RNPEPL1: variants seen among roughly 807,000 people sequenced by gnomAD.
RNPEPL1 encodes the protein aminopeptidase RNPEPL1.
A neutral mutation model predicts 69.0 loss-of-function variants in RNPEPL1; 46 were observed. That is an observed-to-expected ratio of 0.67 (90% CI 0.53 to 0.85). The LOEUF (loss-of-function observed/expected upper bound fraction) is 0.85, where lower values mean the gene tolerates loss of function less well. Among genes scored for constraint, RNPEPL1 ranks in the 40% least tolerant of loss-of-function variants. The pLI, the probability that RNPEPL1 is intolerant of heterozygous loss-of-function variation, is 0.00. For synonymous variants in RNPEPL1, 525 were observed against 454.1 expected, an observed-to-expected ratio of 1.16 and a Z score of -1.98; for missense variants, 869 against 992.5, an observed-to-expected ratio of 0.88 and a Z score of 1.67.
chr2:240,573,368 G>A, intron 3 of RNPEPL1, 107 bp downstream of exon 3: 2 of 1,311,646 alleles, frequency 1.5e-6, no homozygotes, highest in Non-Finnish European at 2.0e-6. Context: ...ACCCCCACTG[G>A]CCTCTGGGTG....
rs372976519 is a variant in RNPEPL1, at chr2:240,576,833, C to G, written c.1742-15C>G. On this transcript the variant is annotated splice_polypyrimidine_tract_variant and intron_variant, in intron 9 of 10. Coordinates refer to ENST00000270357, the MANE Select transcript of RNPEPL1 (RefSeq NM_018226.6). ...GCAACAGCGGCCCAGCCCTGACCTG[C>G]CCCCTGCGCTGCAGAGGTGGTGATG... is the stretch of plus-strand genomic sequence containing the variant. 7 of 1,612,790 alleles carry G rather than the reference C, an allele frequency of 4.3e-6. No homozygotes were observed. In the Admixed American group the frequency reaches 6.7e-5, roughly 15 times the overall value.
At chr2:240,569,872 G>A (rs540191681) in intron 1 of RNPEPL1, among the ~76,000 whole-genome samples, 13 of 152,202 alleles carry the variant, frequency 8.5e-5, no homozygotes, top group African/African-American at 1.4e-4. Flanking sequence ...CACTGGTCAC[G>A]GCACATAAAT....
rs913562807 is a variant in RNPEPL1 at position 240,576,870 on chromosome 2, G to A, written c.1764G>A (p.Lys588=). The A allele has an allele frequency of 8.1e-6, 13 of 1,613,106 alleles. No homozygotes were observed. The highest frequency in any genetic ancestry group is 1.3e-5 in the African/African-American group (1 of 74,938). Residue 588 remains lysine (K), a synonymous_variant, in exon 10 of 11, where the codon AAG becomes AAA. Coordinates refer to ENST00000270357, the MANE Select transcript of RNPEPL1 (RefSeq NM_018226.6). ...CAGAGGTGGTGATGAGCCTGTCCAA[G>A]TGCTACTCCTCCCTGCTGGACTCGA... ...LPQEVVMSLS[K]CYSSLLDSMN... is the part of the protein sequence containing the mutation.
intron 1 of RNPEPL1, among the ~76,000 whole-genome samples, chr2:240,571,524 G>T (rs1193839733): frequency 6.6e-6 from 1 of 152,078 alleles, no homozygotes; most frequent in Non-Finnish European, 1.5e-5. Flanking sequence ...CCCAGACTCT[G>T]AGCTGCCCTC....
At chr2:240,569,164 C>T (rs887198210) in intron 1 of RNPEPL1, 50 bp downstream of exon 1, 16 of 1,375,018 alleles carry the variant, frequency 1.2e-5, no homozygotes, top group Non-Finnish European at 1.5e-5. Flanking sequence ...CAGGGCGCTG[C>T]TAGCGGCCTC....
rs1490709790 is a variant in RNPEPL1, at chr2:240,579,086, T to C, written c.*1194T>C. 1 of 152,278 alleles carries C rather than the reference T, an allele frequency of 6.6e-6. No individual in the cohort carries two copies. Among genetic ancestry groups the C allele is most frequent in the South Asian group, 2.1e-4 (1 of 4,838 alleles). The allele number at this position is 152,278 out of a possible 1,614,324, so 9.4% of individuals were successfully genotyped here. A position where few individuals can be genotyped will look rare whatever the true frequency, so the allele number is the denominator to read the frequency against. ...CTGAGATTTCCATTTTCCCAGGCGA[T>C]AGGTGTCGCTGCCCTTCACAGTCCC... is the stretch of plus-strand genomic sequence containing the variant. On this transcript the variant is annotated 3_prime_UTR_variant, in exon 11 of 11. Coordinates refer to ENST00000270357, the MANE Select transcript of RNPEPL1 (RefSeq NM_018226.6).
chr2:240,570,869 G>A (rs754552854), intron 1 of RNPEPL1, among the ~76,000 whole-genome samples: 1 of 152,196 alleles, frequency 6.6e-6, no homozygotes, highest in African/African-American at 2.4e-5. Context: ...AGGGCAAGTG[G>A]GGAGCTGTGG....
chr2:240,577,741 G>A lies in RNPEPL1; in HGVS notation c.2027G>A (p.Gly676Asp), dbSNP rs933432007. Residue 676 changes from glycine to aspartate, a missense_variant, in exon 11 of 11, where the codon GGC becomes GAC. By Grantham distance (94) the Gly-to-Asp change is moderately conservative. This residue lies in a region of RNPEPL1 where 610 missense variants were observed against 790.9 expected (regional missense o/e 0.77). Transcript: ENST00000270357. ...GCCATCCAGCAGATCCTGTCCCAGG[G>A]CCTGGGCTCCAGCACAGAGCCCGCC... The part of the protein sequence containing the change: ...RRAIQQILSQ[G>D]LGSSTEPASE... 6.2e-7 allele frequency: 1 copy of A among 1,612,350 alleles called. No individual in the cohort carries two copies. Among genetic ancestry groups the A allele is most frequent in the African/African-American group, 1.3e-5 (1 of 74,928 alleles).
In RNPEPL1 at chr2:240,576,647, C is replaced by T. The variant is rs543369403; in HGVS notation, c.1623C>T (p.Thr541=). Residue 541 remains threonine, a synonymous_variant, in exon 9 of 11, where the codon ACC becomes ACT. Coordinates refer to ENST00000270357, the MANE Select transcript of RNPEPL1 (RefSeq NM_018226.6). ...RPVEALFQLW[T]AEPLDQAAAS... is the part of the protein sequence containing the mutation. ...TGGAGGCCCTTTTCCAGCTGTGGAC[C>T]GCAGAACCTCTGGACCAGGCAGCTG... 1.1e-5 allele frequency: 18 copies of T among 1,613,050 alleles called. No homozygotes were observed. The highest frequency in any genetic ancestry group is 4.5e-5 in the East Asian group (2 of 44,874).
rs959141475 is a variant in RNPEPL1 at position 240,577,582 on chromosome 2, G to A, written c.1885-17G>A. 10 of 1,542,480 alleles carry A rather than the reference G, an allele frequency of 6.5e-6. No homozygotes were observed. Among genetic ancestry groups the A allele is most frequent in the Non-Finnish European group, 7.9e-6 (9 of 1,135,824 alleles). ...GCCTGGGGAGCCCACCAGTGTGACC[G>A]AGTGCCCCTCCTGCAGATGTCACGC... On this transcript the variant is annotated splice_polypyrimidine_tract_variant and intron_variant, in intron 10 of 10. Coordinates refer to ENST00000270357, the MANE Select transcript of RNPEPL1 (RefSeq NM_018226.6).
At chr2:240,574,850 G>A in intron 6 of RNPEPL1, 180 bp from the exon 7 acceptor site, 2 of 662,888 alleles carry the variant, frequency 3.0e-6, no homozygotes, top group Non-Finnish European at 5.4e-6. Context: ...TGGTGTGTGA[G>A]TCCTCAGTCT....
intron 1 of RNPEPL1, among the ~76,000 whole-genome samples, chr2:240,570,489 C>T (rs1025998517): frequency 6.6e-6 from 1 of 152,228 alleles, no homozygotes; most frequent in Non-Finnish European, 1.5e-5. Flanking sequence ...ATGTGAGCGC[C>T]ATGGGGCTGG....
intron 3 of RNPEPL1, 113 bp downstream of exon 3, chr2:240,573,374 G>A (rs2093028052): frequency 7.8e-7 from 1 of 1,276,006 alleles, no homozygotes; most frequent in Admixed American, 2.8e-5. Flanking sequence ...ACTGGCCTCT[G>A]GGTGCTCTGG....
At chr2:240,577,099 G>C in intron 10 of RNPEPL1, 109 bp downstream of exon 10, 1 of 1,411,548 alleles carries the variant, frequency 7.1e-7, no homozygotes, top group Non-Finnish European at 9.8e-7. Context: ...GCACATTCTG[G>C]AGAATGGGGC....
At chr2:240,573,630 A>G in intron 3 of RNPEPL1, 145 bp from the exon 4 acceptor site, 1 of 691,336 alleles carries the variant, frequency 1.4e-6, no homozygotes, top group East Asian at 2.7e-5. Context: ...CCATCCAGTG[A>G]GGCAGGGCGG....
chr2:240,578,430 CAG>C lies in RNPEPL1; in HGVS notation c.*539_*540del, dbSNP rs3833579. 6,293 of 152,812 alleles carry C rather than the reference CAG, an allele frequency of 0.041. 158 individuals are homozygous for C. The highest frequency in any genetic ancestry group is 0.076 in the South Asian group (369 of 4,842). 9.5% of individuals were successfully genotyped at this position (152,812 alleles called of 1,614,324 possible). ...CCCTCAGTGTGGGGGGCAGGGGACA[CAG>C]GGAGAGGATGGTTGTCCCTGGGGAG... On this transcript the variant is annotated 3_prime_UTR_variant, in exon 11 of 11. Coordinates refer to ENST00000270357, the MANE Select transcript of RNPEPL1 (RefSeq NM_018226.6).
chr2:240,572,640 C>G (rs1442803237), intron 2 of RNPEPL1, 77 bp downstream of exon 2: 4 of 1,501,652 alleles, frequency 2.7e-6, no homozygotes, highest in South Asian at 1.2e-5. Context: ...CCCCTTGCTC[C>G]TACCTGCCTG....
intron 1 of RNPEPL1, among the ~76,000 whole-genome samples, chr2:240,570,329 C>T (rs2093017618): frequency 6.6e-6 from 1 of 152,218 alleles, no homozygotes; most frequent in African/African-American, 2.4e-5. Flanking sequence ...CTTGGGTACT[C>T]TGGGCAGGGA....
At chr2:240,573,464 C>G (rs1048329798) in intron 3 of RNPEPL1, among the ~76,000 whole-genome samples, 2 of 152,162 alleles carry the variant, frequency 1.3e-5, no homozygotes, top group Non-Finnish European at 2.9e-5. Flanking sequence ...CTGGCCCACC[C>G]AGTGCCTGCC....
Sources: allele counts gnomAD v4.1 joint callset (sites outside exome capture counted in the v4.1 genomes callset), GRCh38; gene constraint gnomAD v4.1.1; regional missense constraint gnomAD v4.1.1; transcripts MANE v1.5; gene names NCBI Gene and HGNC (gene_info 2026-07-23, HGNC 2026-07-21).